PPP2R5C: variants seen among roughly 807,000 people sequenced by gnomAD.
PPP2R5C encodes the protein protein phosphatase 2 regulatory subunit B'gamma.
Under a neutral mutation model 68.9 loss-of-function variants are expected in PPP2R5C, and 7 were observed. The observed-to-expected ratio is 0.10, with a 90% CI of 0.06 to 0.19. PPP2R5C has a LOEUF of 0.19. Ranked by LOEUF, PPP2R5C falls within the 10% of genes least tolerant of loss-of-function variation. The pLI, the probability that PPP2R5C is intolerant of heterozygous loss-of-function variation, is 1.00. For synonymous variants in PPP2R5C, 210 were observed against 222.2 expected, an observed-to-expected ratio of 0.95 and a Z score of 0.49; for missense variants, 348 against 641.3, an observed-to-expected ratio of 0.54 and a Z score of 4.94.
At chr14:101,804,046 G>A (rs774734835) in intron 3 of PPP2R5C, among the ~76,000 whole-genome samples, 1 of 152,072 alleles carries the variant, frequency 6.6e-6, no homozygotes, top group African/African-American at 2.4e-5. Context: ...CTAATAATCC[G>A]ATCACAAGAT....
At chr14:101,792,441 G>A (rs959986535) in intron 3 of PPP2R5C, among the ~76,000 whole-genome samples, 2 of 152,144 alleles carry the variant, frequency 1.3e-5, no homozygotes, top group Admixed American at 6.5e-5. Flanking sequence ...TTTCACTAGC[G>A]AATTCAACAT....
chr14:101,836,326 T>C, intron 1 of PPP2R5C: 1 of 702,564 alleles, frequency 1.4e-6, no homozygotes, highest in Non-Finnish European at 2.6e-6. Flanking sequence ...TCCCCTGCCC[T>C]TCTTCCTCTA....
At position 101,899,602 on chromosome 14, in the gene PPP2R5C, G is replaced by A. The variant is rs575763821; in HGVS notation, c.853-2117G>A. ...ATACCTTTTCCAGAGAAATGGAATA[G>A]CTAAATCGGTTGTGTTGTATAGTTC... On this transcript the variant is annotated intron_variant, in intron 8 of 13. Transcript: ENST00000334743. The surrounding 1 kb of genome is among the most constrained non-coding windows in gnomAD (Gnocchi z 4.2). Among the ~76,000 whole-genome samples, 3 of 152,356 alleles carry A rather than the reference G, an allele frequency of 2.0e-5. No individual in the cohort carries two copies. The highest frequency in any genetic ancestry group is 7.2e-5 in the African/African-American group (3 of 41,590).
intron 2 of PPP2R5C, among the ~76,000 whole-genome samples, chr14:101,881,237 TA>T (rs2044155449): frequency 1.3e-5 from 2 of 151,604 alleles, no homozygotes; most frequent in Admixed American, 1.3e-4. Context: ...CCATCTCTAC[TA>T]AAAATACAAA....
chr14:101,815,693 G>A (rs1025666023), intron 1 of PPP2R5C, among the ~76,000 whole-genome samples: 1 of 151,976 alleles, frequency 6.6e-6, no homozygotes, highest in Non-Finnish European at 1.5e-5. Context: ...TTTTTGAGTT[G>A]GAGTCTCGCT....
intron 3 of PPP2R5C, among the ~76,000 whole-genome samples, chr14:101,791,358 T>C (rs2038357186): frequency 6.6e-6 from 1 of 152,200 alleles, no homozygotes; most frequent in Non-Finnish European, 1.5e-5. Flanking sequence ...TGAGATGTCT[T>C]TTTTTAAGTT....
At chr14:101,867,214 CAAA>C (rs796766323) in intron 2 of PPP2R5C, among the ~76,000 whole-genome samples, 2 of 131,982 alleles carry the variant, frequency 1.5e-5, no homozygotes, top group Non-Finnish European at 1.6e-5. Context: ...GAGACTCTGT[CAAA>C]AAAAAAAAAG....
chr14:101,765,432 A>G lies in PPP2R5C; in HGVS notation c.93+2462A>G, dbSNP rs147728263. On this transcript the variant is annotated intron_variant, in intron 2 of 14. Transcript: ENST00000328724. ...TTCTAGTTCCACCCACTTACCAAAT[A>G]TGATTGACTCATGCAGGTGAATTAA... The G allele has an allele frequency of 2.1e-4, 127 of 596,274 alleles. 1 individual carries two copies. Among genetic ancestry groups the G allele is most frequent in the Middle Eastern group, 1.3e-3 (3 of 2,254 alleles). The allele number at this position is 596,274 out of a possible 1,614,324, so 36.9% of individuals were successfully genotyped here.
At chr14:101,903,049 A>G (rs1388214963) in intron 9 of PPP2R5C, among the ~76,000 whole-genome samples, 1 of 147,278 alleles carries the variant, frequency 6.8e-6, no homozygotes, top group Non-Finnish European at 1.5e-5. Context: ...ATCCTGGCCT[A>G]CAGAGAAAAT....
chr14:101,887,337 C>G (rs1250916409), intron 5 of PPP2R5C, among the ~76,000 whole-genome samples: 1 of 152,198 alleles, frequency 6.6e-6, no homozygotes. Context: ...CTGTGCAGCA[C>G]CTGCTCATGC....
rs1343330941 is a variant in PPP2R5C, at chr14:101,786,829, G to A, written c.259+646G>A. On this transcript the variant is annotated intron_variant, in intron 3 of 14. Transcript: ENST00000328724. Reference sequence around the variant, plus strand: ...TATCAAGGAAAACAGAGTAAGGACCGTAAAGTCAAATGTGAACCTCTTAAA... The same window carrying A: ...TATCAAGGAAAACAGAGTAAGGACCATAAAGTCAAATGTGAACCTCTTAAA... Among the ~76,000 whole-genome samples, 6 of 152,242 alleles carry A rather than the reference G, an allele frequency of 3.9e-5. No homozygotes were observed. The East Asian group carries it at 5.8e-4, about 15-fold the overall frequency.
chr14:101,803,515 G>A (rs998182971), intron 3 of PPP2R5C, among the ~76,000 whole-genome samples: 1 of 152,194 alleles, frequency 6.6e-6, no homozygotes, highest in South Asian at 2.1e-4. Flanking sequence ...ACGAGGTCAG[G>A]CGATTGAGAC....
intron 13 of PPP2R5C, chr14:101,922,083 A>G (rs1214095547): frequency 4.1e-6 from 4 of 985,048 alleles, no homozygotes; most frequent in Non-Finnish European, 4.8e-6. Context: ...TGTAGAGCAC[A>G]TTGAAGGCCT....
intron 1 of PPP2R5C, among the ~76,000 whole-genome samples, chr14:101,816,880 A>T (rs1214567948): frequency 7.4e-6 from 1 of 135,928 alleles, no homozygotes; most frequent in Non-Finnish European, 1.5e-5. Flanking sequence ...TTATATATAT[A>T]TTATATATAT....
intron 1 of PPP2R5C, among the ~76,000 whole-genome samples, chr14:101,813,617 A>C (rs1193229593): frequency 6.6e-6 from 1 of 152,258 alleles, no homozygotes; most frequent in Non-Finnish European, 1.5e-5. Context: ...TAAGGCAGTG[A>C]CAGCCAAGCC....
intron 1 of PPP2R5C, among the ~76,000 whole-genome samples, chr14:101,834,716 G>C (rs552488823): frequency 9.9e-5 from 15 of 152,248 alleles, no homozygotes; most frequent in Non-Finnish European, 1.8e-4. Flanking sequence ...GTTATCAGGA[G>C]TCTGGATGGG....
chr14:101,854,320 A>G (rs1210600779), intron 1 of PPP2R5C, among the ~76,000 whole-genome samples: 3 of 152,196 alleles, frequency 2.0e-5, no homozygotes, highest in African/African-American at 7.2e-5. Flanking sequence ...CAGACAGCAG[A>G]GTCTGTGTGC....
chr14:101,778,553 G>A (rs2037529634), intron 2 of PPP2R5C, among the ~76,000 whole-genome samples: 1 of 152,144 alleles, frequency 6.6e-6, no homozygotes, highest in Admixed American at 6.5e-5. Flanking sequence ...GTTTAGGTTT[G>A]TGATTCATGT....
chr14:101,892,885 G>A lies in PPP2R5C; in HGVS notation c.690-115G>A, dbSNP rs549277613. The A allele has an allele frequency of 3.9e-4, 282 of 713,950 alleles. 3 individuals carry two copies. In the South Asian group the frequency reaches 4.5e-3, roughly 11 times the overall value. The allele number at this position is 713,950 out of a possible 1,614,324, so 44.2% of individuals were successfully genotyped here. A position where few individuals can be genotyped will look rare whatever the true frequency, so the allele number is the denominator to read the frequency against. On this transcript the variant is annotated intron_variant, in intron 6 of 13. Coordinates refer to ENST00000334743, the Ensembl canonical transcript of PPP2R5C. ...GGTGCATGGCAACATGCTTGGCTAC[G>A]TATATTTTGCCTGCTGGGTTTTGAT...
Sources: allele counts gnomAD v4.1 joint callset (sites outside exome capture counted in the v4.1 genomes callset), GRCh38; gene constraint gnomAD v4.1.1; non-coding constraint Gnocchi (gnomAD v3.1); transcripts MANE v1.5; gene names NCBI Gene and HGNC (gene_info 2026-07-23, HGNC 2026-07-21).